The following PLXNA4 variants were observed in gnomAD, a reference collection of about 807,000 sequenced individuals.
The protein encoded by PLXNA4 is plexin-A4.
Under a neutral mutation model 191.8 loss-of-function variants are expected in PLXNA4, and 44 were observed. The ratio of observed to expected loss-of-function variants is 0.23; its 90% confidence interval spans 0.18 to 0.29. PLXNA4 has a LOEUF of 0.29. Among genes scored for constraint, PLXNA4 ranks in the 10% least tolerant of loss-of-function variants. The pLI, the probability that PLXNA4 is intolerant of heterozygous loss-of-function variation, is 1.00. For missense variants in PLXNA4, 1,800 were observed against 2,488.8 expected (o/e 0.72, Z 5.89); for synonymous variants, 1,082 against 1,009.5 (o/e 1.07, Z -1.36).
chr7:132,561,650 T>TCCTCCTCCTCCTCCTCC, intron 1 of PLXNA4, among the ~76,000 whole-genome samples: 1 of 90,036 alleles, frequency 1.1e-5, no homozygotes, highest in Non-Finnish European at 2.3e-5. Context: ...TCTCCTCCTC[T>TCCTCCTCCTCCTCCTCC]TCCTCCTTTT....
chr7:132,148,654 A>T lies in PLXNA4; in HGVS notation c.4661-8T>A, dbSNP rs758509546. The T allele has an allele frequency of 3.1e-6, 5 of 1,614,032 alleles. No homozygotes were observed. Among genetic ancestry groups the T allele is most frequent in the Non-Finnish European group, 3.4e-6 (4 of 1,179,992 alleles). On this transcript the variant is annotated splice_region_variant and splice_polypyrimidine_tract_variant and intron_variant, in intron 25 of 31. Transcript: ENST00000321063. ...CACTTCCTTGTCGCCACTCTGCCAA[A>T]AGAGCGGTGGCGTTTCAGAGAGGCC...
rs143491477 is a variant in PLXNA4 at position 132,494,654 on chromosome 7, C to A, written c.1189-5180G>T. Among the ~76,000 whole-genome samples the A allele has an allele frequency of 5.3e-5, 8 of 152,258 alleles. No individual in the cohort carries two copies. In the East Asian group the frequency reaches 1.4e-3, roughly 26 times the overall value. On this transcript the variant is annotated intron_variant, in intron 2 of 31. Coordinates refer to ENST00000321063, the MANE Select transcript of PLXNA4 (RefSeq NM_020911.2). ...CGAATTACAATCTAATAGCTTATGG[C>A]GCTTCCCTCGTGCACCGCAGCAAAG...
chr7:132,231,423 G>A (rs1798518009), intron 5 of PLXNA4, among the ~76,000 whole-genome samples: 1 of 152,110 alleles, frequency 6.6e-6, no homozygotes, highest in Non-Finnish European at 1.5e-5. Flanking sequence ...TAGAATGAGT[G>A]TTTTTTATTT....
At chr7:132,353,434 C>T (rs533325009) in intron 3 of PLXNA4, among the ~76,000 whole-genome samples, 37 of 144,978 alleles carry the variant, frequency 2.6e-4, no homozygotes, top group Admixed American at 8.1e-4. Flanking sequence ...TTTGTGTACT[C>T]GGTTCTATGC....
At chr7:132,179,435 C>T (rs1796626720) in intron 20 of PLXNA4, among the ~76,000 whole-genome samples, 1 of 151,500 alleles carries the variant, frequency 6.6e-6, no homozygotes, top group East Asian at 2.0e-4. Context: ...TATACAGCCT[C>T]CAGCACTGCT....
At chr7:132,263,796 T>C (rs1305372470) in intron 4 of PLXNA4, among the ~76,000 whole-genome samples, 2 of 152,202 alleles carry the variant, frequency 1.3e-5, no homozygotes, top group African/African-American at 4.8e-5. Flanking sequence ...GAGATAATGG[T>C]GCCAACTTCA....
intron 1 of PLXNA4, among the ~76,000 whole-genome samples, chr7:132,515,690 C>T (rs1798910797): frequency 6.6e-6 from 1 of 152,206 alleles, no homozygotes; most frequent in Non-Finnish European, 1.5e-5. Flanking sequence ...ATCTGCTGAG[C>T]ATTTGCCTTA....
intron 3 of PLXNA4, among the ~76,000 whole-genome samples, chr7:132,442,495 G>A (rs1419987827): frequency 4.6e-5 from 7 of 152,018 alleles, no homozygotes; most frequent in East Asian, 1.9e-4. Flanking sequence ...TTTCTCGAAC[G>A]GGCAACTTTC....
At chr7:132,456,966 A>T (rs549097316) in intron 3 of PLXNA4, among the ~76,000 whole-genome samples, 89 of 152,348 alleles carry the variant, frequency 5.8e-4, no homozygotes, top group African/African-American at 2.1e-3. Context: ...TCATTCTGCC[A>T]ACACTGAACC....
intron 1 of PLXNA4, among the ~76,000 whole-genome samples, chr7:132,510,852 A>C (rs1798685054): frequency 6.6e-6 from 1 of 152,230 alleles, no homozygotes; most frequent in South Asian, 2.1e-4. Context: ...AACATAGTTC[A>C]TGAATGAATC....
In PLXNA4 at chr7:132,508,169, G is replaced by T; in HGVS notation, c.525C>A (p.Ser175=). Residue 175 remains serine (S), a synonymous_variant, in exon 2 of 32, where the codon TCC becomes TCA. Transcript: ENST00000321063. This position sits in a 1 kb window ranked among gnomAD's most constrained non-coding sequence, Gnocchi z 4.4. The part of the protein sequence containing the change: ...ESGSVFGVIV[S]YSNLDDKLFI... Reference sequence around the variant, plus strand: ...ACAGCTTGTCATCCAGGTTGCTGTAGGAGACGATCACTCCAAAGACTGAGC... The same window carrying T: ...ACAGCTTGTCATCCAGGTTGCTGTATGAGACGATCACTCCAAAGACTGAGC... The T allele has an allele frequency of 6.2e-7, 1 of 1,614,180 alleles. No homozygotes were observed. The highest frequency in any genetic ancestry group is 8.5e-7 in the Non-Finnish European group (1 of 1,180,020).
At chr7:132,585,586 T>A (rs1459440990) in intron 2 of PLXNA4, among the ~76,000 whole-genome samples, 1 of 152,222 alleles carries the variant, frequency 6.6e-6, no homozygotes, top group East Asian at 1.9e-4. Context: ...CTTAATCATT[T>A]GGGGCTGCTG....
At chr7:132,323,497 C>G (rs1427175591) in intron 3 of PLXNA4, among the ~76,000 whole-genome samples, 2 of 152,150 alleles carry the variant, frequency 1.3e-5, no homozygotes, top group East Asian at 3.9e-4. Context: ...GGAGGCCTGA[C>G]CTGGGTCCAC....
At chr7:132,198,353 A>G in intron 13 of PLXNA4, 132 bp downstream of exon 13, 2 of 1,312,850 alleles carry the variant, frequency 1.5e-6, no homozygotes, top group Non-Finnish European at 2.0e-6. Flanking sequence ...CTCCAACTCT[A>G]AAATATTGGG....
At chr7:132,497,752 T>A (rs543389675) in intron 2 of PLXNA4, among the ~76,000 whole-genome samples, 3 of 152,216 alleles carry the variant, frequency 2.0e-5, no homozygotes, top group South Asian at 2.1e-4. Context: ...GCCAGAGAAG[T>A]CCTATAATAG....
intron 3 of PLXNA4, among the ~76,000 whole-genome samples, chr7:132,379,892 A>G (rs1040392235): frequency 2.6e-5 from 4 of 151,988 alleles, no homozygotes; most frequent in Non-Finnish European, 5.9e-5. Flanking sequence ...TGCAGTAGGG[A>G]CCAGTTATTT....
At chr7:132,345,524 T>C (rs557821629) in intron 3 of PLXNA4, among the ~76,000 whole-genome samples, 8 of 152,296 alleles carry the variant, frequency 5.3e-5, no homozygotes, top group Middle Eastern at 3.4e-3. Context: ...TCCCAACTAC[T>C]GGGAAAGGAA....
In PLXNA4 at chr7:132,532,583, C is replaced by A. The variant is rs141486490; in HGVS notation, c.-86-23804G>T. ...TATCCTTCATATGTTTTATTACCAT[C>A]ACCTGTAATGTTCTATACATCTCCA... On this transcript the variant is annotated intron_variant, in intron 1 of 31. Transcript: ENST00000321063. Among the ~76,000 whole-genome samples, 785 of 152,324 alleles carry A rather than the reference C, an allele frequency of 5.2e-3. 3 individuals carry two copies. Among genetic ancestry groups the A allele is most frequent in the Middle Eastern group, 0.044 (13 of 294 alleles).
At chr7:132,479,970 T>G (rs1797275439) in intron 3 of PLXNA4, among the ~76,000 whole-genome samples, 1 of 152,162 alleles carries the variant, frequency 6.6e-6, no homozygotes, top group Non-Finnish European at 1.5e-5. Context: ...TTTGCATTTT[T>G]TTAAAAAGAG....
Sources: allele counts gnomAD v4.1 joint callset (sites outside exome capture counted in the v4.1 genomes callset), GRCh38; gene constraint gnomAD v4.1.1; non-coding constraint Gnocchi (gnomAD v3.1); transcripts MANE v1.5; gene names NCBI Gene and HGNC (gene_info 2026-07-23, HGNC 2026-07-21).